The following TMEM108 variants were observed in gnomAD, a reference collection of about 807,000 sequenced individuals.
The protein encoded by TMEM108 is cancer/testis antigen 124.
Under a neutral mutation model 35.1 loss-of-function variants are expected in TMEM108, and 12 were observed. The observed-to-expected ratio is 0.34, with a 90% CI of 0.22 to 0.55. The LOEUF is 0.55. TMEM108 is among the 20% of genes least tolerant of loss of function. The pLI, the probability that TMEM108 is intolerant of heterozygous loss-of-function variation, is 0.89. For missense variants in TMEM108, 680 were observed against 753.3 expected (o/e 0.90, Z 1.14); for synonymous variants, 287 against 308.6 (o/e 0.93, Z 0.73).
chr3:133,149,635 T>A (rs1440721971), intron 2 of TMEM108, among the ~76,000 whole-genome samples: 2 of 152,160 alleles, frequency 1.3e-5, no homozygotes, highest in East Asian at 3.9e-4. Context: ...TAACATAACA[T>A]CCTCTAGGTT....
At chr3:133,286,529 C>T (rs1018722103) in intron 3 of TMEM108, among the ~76,000 whole-genome samples, 1 of 152,072 alleles carries the variant, frequency 6.6e-6, no homozygotes, top group Non-Finnish European at 1.5e-5. Flanking sequence ...AGAGATGGGA[C>T]TCTCACTATG....
At chr3:133,140,430 C>T (rs1944625614) in intron 2 of TMEM108, among the ~76,000 whole-genome samples, 1 of 152,160 alleles carries the variant, frequency 6.6e-6, no homozygotes, top group Non-Finnish European at 1.5e-5. Flanking sequence ...AAGATCATAT[C>T]AACAGACATT....
intron 3 of TMEM108, among the ~76,000 whole-genome samples, chr3:133,260,702 T>C (rs75110295): frequency 0.039 from 5,950 of 152,264 alleles, 368 homozygotes; most frequent in African/African-American, 0.13. Flanking sequence ...ATTCTTTATG[T>C]CTTGAAAAGA....
At chr3:133,135,817 A>G (rs903355855) in intron 2 of TMEM108, among the ~76,000 whole-genome samples, 2 of 152,244 alleles carry the variant, frequency 1.3e-5, no homozygotes, top group Non-Finnish European at 2.9e-5. Context: ...TTGGAGGACC[A>G]GCAAGCTTGA....
At chr3:133,344,476 A>G (rs1291923852) in intron 3 of TMEM108, among the ~76,000 whole-genome samples, 1 of 151,780 alleles carries the variant, frequency 6.6e-6, no homozygotes, top group Non-Finnish European at 1.5e-5. Flanking sequence ...GCAAAGCAAA[A>G]AGATATATAT....
In TMEM108 at chr3:133,086,509, G is replaced by A. The variant is rs1315953668; in HGVS notation, c.-47+40489G>A. Reference sequence around the variant, plus strand: ...TTTCTATAAATATTTTTATTGTTAAGTATAAGACAAATACAAAAACCTCCT... The same window carrying A: ...TTTCTATAAATATTTTTATTGTTAAATATAAGACAAATACAAAAACCTCCT... On this transcript the variant is annotated intron_variant, in intron 2 of 5. Coordinates refer to ENST00000321871, the MANE Select transcript of TMEM108 (RefSeq NM_023943.4). 2.6e-5 allele frequency among the ~76,000 whole-genome samples: 4 copies of A among 152,052 alleles called. No individual in the cohort carries two copies. The South Asian group carries it at 6.2e-4, about 24-fold the overall frequency.
At chr3:133,066,672 A>G (rs973119229) in intron 2 of TMEM108, among the ~76,000 whole-genome samples, 1 of 152,168 alleles carries the variant, frequency 6.6e-6, no homozygotes, top group Non-Finnish European at 1.5e-5. Flanking sequence ...AAGTTAATTT[A>G]TTATACATAG....
chr3:133,350,208 A>C (rs760461207), intron 3 of TMEM108, among the ~76,000 whole-genome samples: 1 of 152,124 alleles, frequency 6.6e-6, no homozygotes, highest in Non-Finnish European at 1.5e-5. Context: ...CACCACTCAT[A>C]TGTGGTATCT....
intron 2 of TMEM108, among the ~76,000 whole-genome samples, chr3:133,069,123 A>T (rs1943646412): frequency 6.6e-6 from 1 of 152,230 alleles, no homozygotes; most frequent in African/African-American, 2.4e-5. Flanking sequence ...TGGCACCACC[A>T]GTAGAATAGT....
At chr3:133,076,361 G>A (rs889987668) in intron 2 of TMEM108, among the ~76,000 whole-genome samples, 1 of 151,654 alleles carries the variant, frequency 6.6e-6, no homozygotes, top group African/African-American at 2.4e-5. Flanking sequence ...CATGTAAAGA[G>A]ACCGTGATAT....
At chr3:133,071,626 A>C (rs1009620401) in intron 2 of TMEM108, among the ~76,000 whole-genome samples, 2 of 152,130 alleles carry the variant, frequency 1.3e-5, no homozygotes, top group African/African-American at 4.8e-5. Flanking sequence ...CTTGTTAGCC[A>C]TTTGTGTATT....
At chr3:133,112,661 TAG>T (rs1416475154) in intron 2 of TMEM108, among the ~76,000 whole-genome samples, 3 of 152,162 alleles carry the variant, frequency 2.0e-5, no homozygotes, top group Non-Finnish European at 2.9e-5. Flanking sequence ...CTATAAAAAT[TAG>T]AGTTATCCAG....
At chr3:133,272,151 T>A (rs1946779530) in intron 3 of TMEM108, among the ~76,000 whole-genome samples, 1 of 152,114 alleles carries the variant, frequency 6.6e-6, no homozygotes, top group Non-Finnish European at 1.5e-5. Flanking sequence ...GGATATTCCC[T>A]CCCATAAGAC....
intron 2 of TMEM108, among the ~76,000 whole-genome samples, chr3:133,111,631 C>A (rs545284587): frequency 6.6e-6 from 1 of 152,148 alleles, no homozygotes; most frequent in East Asian, 1.9e-4. Flanking sequence ...TTTTATCATA[C>A]TATATAATAT....
chr3:133,249,501 A>G (rs1354346292), intron 3 of TMEM108, among the ~76,000 whole-genome samples: 2 of 152,162 alleles, frequency 1.3e-5, no homozygotes, highest in African/African-American at 2.4e-5. Flanking sequence ...TATTGTTGCC[A>G]TCTTTATGTC....
intron 2 of TMEM108, among the ~76,000 whole-genome samples, chr3:133,145,462 G>A (rs1362897531): frequency 3.9e-5 from 6 of 151,912 alleles, no homozygotes; most frequent in South Asian, 2.1e-4. Context: ...TTTTGGTTCC[G>A]TATGGAATTT....
intron 2 of TMEM108, among the ~76,000 whole-genome samples, chr3:133,118,057 G>C (rs544293184): frequency 6.6e-6 from 1 of 152,088 alleles, no homozygotes; most frequent in East Asian, 1.9e-4. Context: ...TGGGGAGTTG[G>C]TAGAGTACTA....
At chr3:133,293,585 A>G (rs1293435035) in intron 3 of TMEM108, among the ~76,000 whole-genome samples, 2 of 151,958 alleles carry the variant, frequency 1.3e-5, no homozygotes, top group Admixed American at 6.6e-5. Flanking sequence ...GCCTTATGCC[A>G]GTGCCAACTT....
chr3:133,199,400 C>G lies in TMEM108; in HGVS notation c.-46-29866C>G, dbSNP rs369463951. Among the ~76,000 whole-genome samples the G allele has an allele frequency of 5.9e-5, 9 of 152,284 alleles. 1 individual carries two copies. Among genetic ancestry groups the G allele is most frequent in the African/African-American group, 2.2e-4 (9 of 41,560 alleles). Reference sequence around the variant, plus strand: ...ATTTTCAGCTTTTCTACTCTGATTTCTCCCCATCTTTGTGGTTTTATCTAC... The same window carrying G: ...ATTTTCAGCTTTTCTACTCTGATTTGTCCCCATCTTTGTGGTTTTATCTAC... On this transcript the variant is annotated intron_variant, in intron 2 of 5. Coordinates refer to ENST00000321871, the MANE Select transcript of TMEM108 (RefSeq NM_023943.4).
Sources: allele counts gnomAD v4.1 joint callset (sites outside exome capture counted in the v4.1 genomes callset), GRCh38; gene constraint gnomAD v4.1.1; transcripts MANE v1.5; gene names NCBI Gene and HGNC (gene_info 2026-07-23, HGNC 2026-07-21).